ADCY2: variants seen among roughly 807,000 people sequenced by gnomAD.
ADCY2 encodes adenylate cyclase 2.
ADCY2 carries 31 observed loss-of-function variants against 125.2 expected under a neutral mutation model. The ratio of observed to expected loss-of-function variants is 0.25; its 90% CI spans 0.19 to 0.33. The LOEUF (loss-of-function observed/expected upper bound fraction) is 0.33, where lower values mean the gene tolerates loss of function less well. Among genes scored for constraint, ADCY2 ranks in the 10% least tolerant of loss-of-function variants. The pLI is 1.00. For synonymous variants in ADCY2, 512 were observed against 548.4 expected (o/e 0.93, Z 0.93); for missense variants, 904 against 1,418.2 (o/e 0.64, Z 5.82).
chr5:7,423,244 C>T (rs1417343501), intron 2 of ADCY2, among the ~76,000 whole-genome samples: 2 of 152,178 alleles, frequency 1.3e-5, no homozygotes, highest in South Asian at 2.1e-4. Flanking sequence ...ATTGGGAGAC[C>T]TCCATGTTTC....
At position 7,770,041 on chromosome 5, in the gene ADCY2, C is replaced by G. The variant is rs531023183; in HGVS notation, c.2215-2891C>G. ...CCTGCAGTGTCCTCTCCCACACATC[C>G]CTGGATGGCTATTTGCAGGTTCCCA... is the stretch of plus-strand genomic sequence containing the variant. On this transcript the variant is annotated intron_variant, in intron 17 of 24. Coordinates refer to ENST00000338316, the MANE Select transcript of ADCY2 (RefSeq NM_020546.3). Among the ~76,000 whole-genome samples the G allele has an allele frequency of 3.9e-5, 6 of 152,280 alleles. No homozygotes were observed. In the South Asian group the frequency reaches 1.2e-3, roughly 32 times the overall value.
chr5:7,776,713 C>G (rs137919685), intron 18 of ADCY2, among the ~76,000 whole-genome samples: 2 of 152,192 alleles, frequency 1.3e-5, no homozygotes, highest in East Asian at 3.9e-4. Context: ...TGGGCACCAC[C>G]CAATCAGCTG....
chr5:7,699,362 G>A (rs1227320263), intron 7 of ADCY2, among the ~76,000 whole-genome samples: 1 of 151,806 alleles, frequency 6.6e-6, no homozygotes, highest in Non-Finnish European at 1.5e-5. Context: ...CTCCCAAAGT[G>A]CTGGGATTAC....
At chr5:7,591,531 C>T (rs1736848572) in intron 3 of ADCY2, among the ~76,000 whole-genome samples, 1 of 152,126 alleles carries the variant, frequency 6.6e-6, no homozygotes, top group Admixed American at 6.5e-5. Context: ...TTTAATGTCT[C>T]TTATCTGTCT....
intron 2 of ADCY2, among the ~76,000 whole-genome samples, chr5:7,494,878 G>C (rs185140457): frequency 1.3e-5 from 2 of 152,266 alleles, no homozygotes; most frequent in East Asian, 3.9e-4. Context: ...CAGTGGAAAG[G>C]GTGTTGTAAC....
chr5:7,810,331 T>C (rs1744896141), intron 22 of ADCY2, among the ~76,000 whole-genome samples: 1 of 151,846 alleles, frequency 6.6e-6, no homozygotes, highest in South Asian at 2.1e-4. Flanking sequence ...TCTGCTTGAA[T>C]GGTGGGTTAT....
Position 7,398,254 on chromosome 5 carries a change from A to G in ADCY2, c.210+1748A>G, listed in dbSNP as rs141643904. On this transcript the variant is annotated intron_variant, in intron 1 of 24. Coordinates refer to ENST00000338316, the MANE Select transcript of ADCY2 (RefSeq NM_020546.3). ...AATTCATGCTTCCTCTGCACACACC[A>G]CTTTGTTTTCTGTGATGGAGAATTC... Among the ~76,000 whole-genome samples the G allele has an allele frequency of 5.9e-5, 9 of 152,260 alleles. No homozygotes were observed. The East Asian group carries it at 1.7e-3, about 29-fold the overall frequency.
At chr5:7,573,107 G>A (rs1016229393) in intron 3 of ADCY2, among the ~76,000 whole-genome samples, 1 of 152,148 alleles carries the variant, frequency 6.6e-6, no homozygotes, top group African/African-American at 2.4e-5. Context: ...GGCCCTAGAA[G>A]AAACCAACTC....
intron 2 of ADCY2, among the ~76,000 whole-genome samples, chr5:7,420,578 C>T (rs1740161631): frequency 2.0e-5 from 3 of 152,172 alleles, no homozygotes; most frequent in South Asian, 4.1e-4. Context: ...GCACAAACCA[C>T]CCCCATCCCG....
chr5:7,419,462 C>T (rs970275247), intron 2 of ADCY2, among the ~76,000 whole-genome samples: 2 of 152,148 alleles, frequency 1.3e-5, no homozygotes, highest in Admixed American at 1.3e-4. Flanking sequence ...TTATCTATTG[C>T]CGAAGCTCAA....
chr5:7,594,239 G>A (rs994392835), intron 3 of ADCY2, among the ~76,000 whole-genome samples: 3 of 152,256 alleles, frequency 2.0e-5, no homozygotes, highest in South Asian at 2.1e-4. Flanking sequence ...GGTGATGGTG[G>A]CTTGGACCTG....
At chr5:7,816,328 G>A (rs998162683) in intron 22 of ADCY2, among the ~76,000 whole-genome samples, 1 of 152,236 alleles carries the variant, frequency 6.6e-6, no homozygotes, top group African/African-American at 2.4e-5. Context: ...ACTGACCCCT[G>A]TGGAAAGCCT....
At chr5:7,724,471 T>C in intron 12 of ADCY2, 74 bp from the exon 13 acceptor site, 1 of 1,145,730 alleles carries the variant, frequency 8.7e-7, no homozygotes, top group South Asian at 1.3e-5. Flanking sequence ...AGATCGCAAG[T>C]CATTTTAAAA....
intron 15 of ADCY2, among the ~76,000 whole-genome samples, chr5:7,744,505 A>G (rs1015617160): frequency 6.6e-5 from 10 of 152,258 alleles, no homozygotes; most frequent in African/African-American, 2.2e-4. Flanking sequence ...ATTTAAGCCA[A>G]TCAGGTTTAA....
At chr5:7,788,396 T>C (rs557044166) in intron 19 of ADCY2, among the ~76,000 whole-genome samples, 168 of 152,316 alleles carry the variant, frequency 1.1e-3, no homozygotes, top group African/African-American at 3.7e-3. Context: ...GCCAGGCTGG[T>C]CTCAAACTGC....
chr5:7,757,380 T>C (rs1275420206), intron 15 of ADCY2, 69 bp from the exon 16 acceptor site: 6 of 1,561,830 alleles, frequency 3.8e-6, no homozygotes, highest in Non-Finnish European at 5.2e-6. Flanking sequence ...TTGTAAACAT[T>C]GTCATCAAGA....
intron 2 of ADCY2, among the ~76,000 whole-genome samples, chr5:7,442,407 G>A (rs1454954934): frequency 6.6e-6 from 1 of 152,084 alleles, no homozygotes; most frequent in African/African-American, 2.4e-5. Context: ...TAAACTGAGC[G>A]GTACCTCTAA....
At chr5:7,525,239 T>G (rs1020910127) in intron 3 of ADCY2, among the ~76,000 whole-genome samples, 1 of 152,194 alleles carries the variant, frequency 6.6e-6, no homozygotes, top group Non-Finnish European at 1.5e-5. Flanking sequence ...ACTCCTGAGC[T>G]CAGGCAATCC....
intron 3 of ADCY2, among the ~76,000 whole-genome samples, chr5:7,554,557 C>G (rs1047436293): frequency 1.3e-5 from 2 of 152,120 alleles, no homozygotes; most frequent in African/African-American, 4.8e-5. Context: ...GTACTAAGCT[C>G]TTTGTAAGCT....
Sources: allele counts gnomAD v4.1 joint callset (sites outside exome capture counted in the v4.1 genomes callset), GRCh38; gene constraint gnomAD v4.1.1; transcripts MANE v1.5; gene names NCBI Gene and HGNC (gene_info 2026-07-23, HGNC 2026-07-21).